Variants in MMP16 observed in about 807,000 individuals in gnomAD.
MMP16 encodes matrix metallopeptidase 16, also known as matrix metalloproteinase-16.
A neutral mutation model predicts 67.8 loss-of-function variants in MMP16; 12 were observed. The observed-to-expected ratio is 0.18, with a 90% confidence interval of 0.11 to 0.29. The LOEUF is 0.29. MMP16 is among the 10% of genes least tolerant of loss of function. The pLI is 1.00. For synonymous variants in MMP16, 249 were observed against 255.9 expected, an observed-to-expected ratio of 0.97 and a Z score of 0.26; for missense variants, 475 against 765.7, an observed-to-expected ratio of 0.62 and a Z score of 4.48.
chr8:88,292,522 G>T (rs913595978), intron 1 of MMP16, among the ~76,000 whole-genome samples: 6 of 152,180 alleles, frequency 3.9e-5, no homozygotes, highest in Non-Finnish European at 2.9e-5. Flanking sequence ...TACCCAAATT[G>T]CAGGATGAGA....
chr8:88,269,910 G>C (rs1810539031), intron 1 of MMP16, among the ~76,000 whole-genome samples: 1 of 152,152 alleles, frequency 6.6e-6, no homozygotes, highest in Admixed American at 6.5e-5. Flanking sequence ...CTGTTTCACA[G>C]ATTCAATAAT....
chr8:88,261,399 T>C (rs1810386157), intron 1 of MMP16, among the ~76,000 whole-genome samples: 1 of 152,084 alleles, frequency 6.6e-6, no homozygotes, highest in Non-Finnish European at 1.5e-5. Context: ...ATCAGTTTTA[T>C]GAGGGGGAAA....
chr8:88,312,284 A>C (rs1445030024), intron 1 of MMP16, among the ~76,000 whole-genome samples: 1 of 152,226 alleles, frequency 6.6e-6, no homozygotes, highest in Non-Finnish European at 1.5e-5. Flanking sequence ...TTGATCACCC[A>C]ATCTTTTATA....
chr8:88,247,858 A>G (rs1438456214), intron 1 of MMP16, among the ~76,000 whole-genome samples: 1 of 151,718 alleles, frequency 6.6e-6, no homozygotes, highest in Non-Finnish European at 1.5e-5. Context: ...GATCTTGTAC[A>G]TTTCCTCCCC....
chr8:88,308,908 T>C (rs1811253108), intron 1 of MMP16, among the ~76,000 whole-genome samples: 1 of 151,998 alleles, frequency 6.6e-6, no homozygotes, highest in South Asian at 2.1e-4. Context: ...AAAGAAAGTC[T>C]TCATAATTTA....
At chr8:88,174,882 T>C (rs1323389859) in intron 3 of MMP16, among the ~76,000 whole-genome samples, 2 of 151,852 alleles carry the variant, frequency 1.3e-5, no homozygotes, top group Non-Finnish European at 2.9e-5. Context: ...GCCTACTGAG[T>C]TGCAGGGATA....
At chr8:88,314,294 A>C (rs1408348849) in intron 1 of MMP16, among the ~76,000 whole-genome samples, 1 of 152,192 alleles carries the variant, frequency 6.6e-6, no homozygotes, top group Non-Finnish European at 1.5e-5. Context: ...TAGTCATAAC[A>C]AATGTTTTAA....
At chr8:88,192,245 C>T (rs889944081) in intron 2 of MMP16, among the ~76,000 whole-genome samples, 4 of 152,112 alleles carry the variant, frequency 2.6e-5, no homozygotes, top group South Asian at 2.1e-4. Context: ...AAAAATGTTG[C>T]GGCTGACAGC....
intron 9 of MMP16, among the ~76,000 whole-genome samples, chr8:88,046,394 T>C (rs1173466354): frequency 1.3e-5 from 2 of 152,224 alleles, no homozygotes; most frequent in Non-Finnish European, 2.9e-5. Flanking sequence ...AATAGAAATA[T>C]AGGTAAAATT....
intron 6 of MMP16, among the ~76,000 whole-genome samples, chr8:88,078,726 G>C (rs1347504725): frequency 6.6e-6 from 1 of 152,194 alleles, no homozygotes; most frequent in East Asian, 1.9e-4. Flanking sequence ...CTAATCAGTA[G>C]AACTGATCTA....
chr8:88,159,046 A>C (rs201476217), intron 4 of MMP16, among the ~76,000 whole-genome samples: 14 of 151,938 alleles, frequency 9.2e-5, no homozygotes, highest in South Asian at 2.1e-4. Flanking sequence ...GGTACCAGTA[A>C]CATGCTGTTT....
At chr8:88,244,032 T>G (rs1810073065) in intron 1 of MMP16, among the ~76,000 whole-genome samples, 1 of 77,822 alleles carries the variant, frequency 1.3e-5, no homozygotes, top group Non-Finnish European at 2.6e-5. Flanking sequence ...TAATGAAGTT[T>G]TTTTTTTTAA....
intron 7 of MMP16, among the ~76,000 whole-genome samples, chr8:88,065,105 G>A (rs1808448594): frequency 6.6e-6 from 1 of 151,998 alleles, no homozygotes; most frequent in African/African-American, 2.4e-5. Context: ...TGTGAAGCTT[G>A]GCATCGGGTT....
intron 1 of MMP16, among the ~76,000 whole-genome samples, chr8:88,310,738 A>G (rs779948442): frequency 3.3e-5 from 5 of 152,186 alleles, no homozygotes; most frequent in African/African-American, 4.8e-5. Flanking sequence ...CAGGCATTCA[A>G]TTTGTTCTAA....
chr8:88,274,174 A>AT (rs542386081), intron 1 of MMP16, among the ~76,000 whole-genome samples: 5 of 151,794 alleles, frequency 3.3e-5, no homozygotes, highest in East Asian at 1.9e-4. Context: ...CAATCACTAA[A>AT]TTTTTTTTTC....
chr8:88,213,278 T>C lies in MMP16; in HGVS notation c.133-15972A>G, dbSNP rs563108925. On this transcript the variant is annotated intron_variant, in intron 1 of 9. Transcript: ENST00000286614. ...AACTTAACATGCCATTCTGACTTGA[T>C]AAATACCGCAAATTAAAATTTGAAA... Among the ~76,000 whole-genome samples the C allele has an allele frequency of 3.9e-5, 6 of 152,208 alleles. No individual in the cohort carries two copies. In the South Asian group the frequency reaches 1.2e-3, roughly 32 times the overall value.
intron 5 of MMP16, among the ~76,000 whole-genome samples, chr8:88,117,300 T>C (rs1427965781): frequency 6.6e-6 from 1 of 152,142 alleles, no homozygotes. Context: ...AAAATACCTA[T>C]TGATTAAAAT....
rs1029771903 is a variant in MMP16 at position 88,318,349 on chromosome 8, T to C, written c.132+8726A>G. Among the ~76,000 whole-genome samples, 6 of 152,340 alleles carry C rather than the reference T, an allele frequency of 3.9e-5. No individual in the cohort carries two copies. In the South Asian group the frequency reaches 8.3e-4, roughly 21 times the overall value. ...AATGATTTAGATAACTGTAAAACTA[T>C]ACTGAGTATCACATAATCAATCTTA... On this transcript the variant is annotated intron_variant, in intron 1 of 9. Transcript: ENST00000286614.
chr8:88,067,014 T>C (rs372781927), intron 7 of MMP16, among the ~76,000 whole-genome samples: 9 of 152,222 alleles, frequency 5.9e-5, no homozygotes, highest in South Asian at 2.1e-4. Context: ...GAATACTTTA[T>C]AATCATTATA....
Sources: gnomAD v4.1 joint callset for allele counts (sites outside exome capture counted in the v4.1 genomes callset) on GRCh38, gnomAD v4.1.1 for gene constraint, MANE v1.5 for transcripts, NCBI Gene and HGNC (gene_info 2026-07-23, HGNC 2026-07-21) for gene names.